Variants in GFOD1 observed in about 807,000 individuals in gnomAD.
GFOD1 encodes the protein glucose-fructose oxidoreductase domain-containing protein 1.
In GFOD1, 9 loss-of-function variants were observed where a neutral mutation model predicts 25.4. The observed-to-expected ratio is 0.35, with a 90% CI of 0.21 to 0.62. The LOEUF (loss-of-function observed/expected upper bound fraction) is 0.62. GFOD1 is among the 20% of genes least tolerant of loss of function. GFOD1 has a pLI of 0.72. For missense variants in GFOD1, 403 were observed against 556.9 expected, an observed-to-expected ratio of 0.72 and a Z score of 2.78; for synonymous variants, 253 against 245.6, an observed-to-expected ratio of 1.03 and a Z score of -0.28.
chr6:13,398,540 C>A (rs542059090), intron 1 of GFOD1, among the ~76,000 whole-genome samples: 24 of 152,268 alleles, frequency 1.6e-4, no homozygotes, highest in African/African-American at 5.3e-4. Context: ...CCTTAAACAC[C>A]TATTTTGTAT....
chr6:13,432,988 CAAGTT>C (rs1268221669), intron 1 of GFOD1, among the ~76,000 whole-genome samples: 1 of 152,180 alleles, frequency 6.6e-6, no homozygotes, highest in Non-Finnish European at 1.5e-5. Context: ...GTCACATGTA[CAAGTT>C]AATTAGAAAC....
chr6:13,479,944 G>A (rs114116402), intron 1 of GFOD1, among the ~76,000 whole-genome samples: 246 of 152,320 alleles, frequency 1.6e-3, no homozygotes, highest in African/African-American at 5.7e-3. Context: ...TTGCTAGGAT[G>A]TCAGAATGGC....
intron 1 of GFOD1, among the ~76,000 whole-genome samples, chr6:13,429,642 C>T (rs908131473): frequency 6.6e-6 from 1 of 152,116 alleles, no homozygotes; most frequent in Non-Finnish European, 1.5e-5. Flanking sequence ...CCAAGGCTAT[C>T]TGGAAGAAAT....
intron 1 of GFOD1, among the ~76,000 whole-genome samples, chr6:13,391,918 A>C (rs1414788535): frequency 6.6e-6 from 1 of 152,238 alleles, no homozygotes; most frequent in Non-Finnish European, 1.5e-5. Flanking sequence ...GTTATTCTTT[A>C]AAACAGTTGA....
chr6:13,402,836 C>T (rs889100621), intron 1 of GFOD1, among the ~76,000 whole-genome samples: 4 of 152,014 alleles, frequency 2.6e-5, no homozygotes, highest in Non-Finnish European at 1.5e-5. Flanking sequence ...GGTATATAGC[C>T]AAAAGAAATG....
intron 1 of GFOD1, among the ~76,000 whole-genome samples, chr6:13,409,099 A>AAGAC (rs1786001165): frequency 1.6e-5 from 1 of 63,080 alleles, no homozygotes; most frequent in African/African-American, 3.9e-5. Flanking sequence ...GAAAGAAAGA[A>AAGAC]AGAAAGAAAG....
intron 1 of GFOD1, among the ~76,000 whole-genome samples, chr6:13,465,333 C>T (rs577428333): frequency 2.0e-5 from 3 of 152,274 alleles, no homozygotes; most frequent in South Asian, 4.1e-4. Context: ...AGGGGTTGGA[C>T]AAGCTTGATC....
chr6:13,387,171 G>T lies in GFOD1; in HGVS notation c.254-21509C>A, dbSNP rs1199579399. Among the ~76,000 whole-genome samples the T allele has an allele frequency of 2.0e-5, 3 of 152,160 alleles. No individual in the cohort carries two copies. In the East Asian group the frequency reaches 5.8e-4, roughly 29 times the overall value. Reference sequence around the variant, plus strand: ...GAAGAGGCTTCTCTAATGCAGCACAGTATTAATACTTCTCAGAGCCATTAA... The same window carrying T: ...GAAGAGGCTTCTCTAATGCAGCACATTATTAATACTTCTCAGAGCCATTAA... On this transcript the variant is annotated intron_variant, in intron 1 of 1. Transcript: ENST00000379287.
intron 1 of GFOD1, among the ~76,000 whole-genome samples, chr6:13,436,233 CATAA>C (rs138225036): frequency 0.051 from 7,707 of 152,226 alleles, 234 homozygotes; most frequent in African/African-American, 0.077. Flanking sequence ...TTTGAAAGCA[CATAA>C]ATAAACTTTA....
intron 1 of GFOD1, among the ~76,000 whole-genome samples, chr6:13,438,298 T>C (rs1757864629): frequency 6.6e-6 from 1 of 152,116 alleles, no homozygotes. Context: ...TACATAAGAA[T>C]GAAGAGAAAG....
At chr6:13,463,139 CTTAA>C (rs1445919880) in intron 1 of GFOD1, among the ~76,000 whole-genome samples, 2 of 152,222 alleles carry the variant, frequency 1.3e-5, no homozygotes, top group Admixed American at 6.5e-5. Flanking sequence ...GCCCAGGGTA[CTTAA>C]TTAACTCCAT....
intron 1 of GFOD1, among the ~76,000 whole-genome samples, chr6:13,464,189 C>A (rs1758341184): frequency 6.6e-6 from 1 of 152,156 alleles, no homozygotes; most frequent in Non-Finnish European, 1.5e-5. Context: ...GGTTTTCCTG[C>A]AGACCTGATT....
chr6:13,441,919 A>T (rs542639363), intron 1 of GFOD1, among the ~76,000 whole-genome samples: 1 of 152,336 alleles, frequency 6.6e-6, no homozygotes, highest in South Asian at 2.1e-4. Flanking sequence ...TCAGGATACA[A>T]GGAGAGAACC....
Position 13,359,664 on chromosome 6 carries a change from C to T in GFOD1, c.*5079G>A, listed in dbSNP as rs1415685388. 6.6e-6 allele frequency: 1 copy of T among 152,160 alleles called. No individual in the cohort carries two copies. Among genetic ancestry groups the T allele is most frequent in the African/African-American group, 2.4e-5 (1 of 41,422 alleles). 9.4% of individuals were successfully genotyped at this position (152,160 alleles called of 1,614,324 possible). A position where few individuals can be genotyped will look rare whatever the true frequency, so the allele number is the denominator to read the frequency against. ...TGAATTTATTTTAAAAAATGGATTT[C>T]CCGGCTGGGCACGGTGGATCACGCC... On this transcript the variant is annotated 3_prime_UTR_variant, in exon 2 of 2. Transcript: ENST00000379287.
intron 1 of GFOD1, among the ~76,000 whole-genome samples, chr6:13,439,436 C>T (rs1328308372): frequency 1.3e-5 from 2 of 152,190 alleles, no homozygotes; most frequent in African/African-American, 2.4e-5. Context: ...CCCTTGCCTC[C>T]CTTCTAGCAT....
chr6:13,360,679 T>C lies in GFOD1; in HGVS notation c.*4064A>G, dbSNP rs754890294. On this transcript the variant is annotated 3_prime_UTR_variant, in exon 2 of 2. Coordinates refer to ENST00000379287, the MANE Select transcript of GFOD1 (RefSeq NM_018988.4). Reference sequence around the variant, plus strand: ...AATGGGAAGAAACACTGGCTACTTCTATGTGCAGCTCTACAGCCTCCTGGC... The same window carrying C: ...AATGGGAAGAAACACTGGCTACTTCCATGTGCAGCTCTACAGCCTCCTGGC... The C allele has an allele frequency of 4.4e-6, 2 of 456,342 alleles. No homozygotes were observed. The highest frequency in any genetic ancestry group is 1.5e-5 in the South Asian group (1 of 64,566). The allele number at this position is 456,342 out of a possible 1,614,324, so 28.3% of individuals were successfully genotyped here.
intron 1 of GFOD1, chr6:13,469,958 G>C (rs1339073259): frequency 7.7e-7 from 1 of 1,306,514 alleles, no homozygotes. Flanking sequence ...GTAGGTTCTG[G>C]ATAGATGATG....
chr6:13,424,012 T>C (rs544074435), intron 1 of GFOD1, among the ~76,000 whole-genome samples: 17 of 152,126 alleles, frequency 1.1e-4, no homozygotes, highest in Admixed American at 5.2e-4. Flanking sequence ...GCATGTGCCA[T>C]CATGCCTGGC....
At chr6:13,463,893 G>A (rs1295324689) in intron 1 of GFOD1, among the ~76,000 whole-genome samples, 4 of 152,068 alleles carry the variant, frequency 2.6e-5, no homozygotes, top group Non-Finnish European at 5.9e-5. Flanking sequence ...GTGAAATCAT[G>A]GGTCTTTTCT....
Sources: gnomAD v4.1 joint callset for allele counts (sites outside exome capture counted in the v4.1 genomes callset) on GRCh38, gnomAD v4.1.1 for gene constraint, MANE v1.5 for transcripts, NCBI Gene and HGNC (gene_info 2026-07-23, HGNC 2026-07-21) for gene names.